DSEL: variants seen among roughly 807,000 people sequenced by gnomAD.
The protein encoded by DSEL is dermatan sulfate epimerase like, also known as dermatan-sulfate epimerase-like protein.
DSEL carries 61 observed loss-of-function variants against 96.6 expected under a neutral mutation model. The ratio of observed to expected loss-of-function variants is 0.63; its 90% CI spans 0.51 to 0.78. DSEL has a LOEUF of 0.78. DSEL is among the 30% of genes least tolerant of loss of function. DSEL has a pLI of 0.00. For missense variants in DSEL, 1,320 were observed against 1,430.8 expected, an observed-to-expected ratio of 0.92 and a Z score of 1.25; for synonymous variants, 514 against 502.0, an observed-to-expected ratio of 1.02 and a Z score of -0.32.
Position 67,507,641 on chromosome 18 carries a change from G to C in DSEL, c.*3329C>G, listed in dbSNP as rs2089417725. ...TAAGTGGTGGAGGAGGTTCTTCTTT[G>C]AATACATTTGCAGAGGGCAATGTAG... On this transcript the variant is annotated 3_prime_UTR_variant, in exon 2 of 2. Coordinates refer to ENST00000310045, the MANE Select transcript of DSEL (RefSeq NM_032160.3). 6.6e-6 allele frequency: 1 copy of C among 152,138 alleles called. No homozygotes were observed. Among genetic ancestry groups the C allele is most frequent in the Non-Finnish European group, 1.5e-5 (1 of 68,034 alleles). 9.4% of individuals were successfully genotyped at this position (152,138 alleles called of 1,614,324 possible). A position where few individuals can be genotyped will look rare whatever the true frequency, so the allele number is the denominator to read the frequency against.
At position 67,513,096 on chromosome 18, in the gene DSEL, G is replaced by C. The variant is rs772126850; in HGVS notation, c.1513C>G (p.Pro505Ala). The C allele has an allele frequency of 1.2e-6, 2 of 1,614,124 alleles. No individual in the cohort carries two copies. The highest frequency in any genetic ancestry group is 3.3e-5 in the Admixed American group (2 of 60,022). Residue 505 changes from proline to alanine, a missense_variant, in exon 2 of 2, where the codon CCA becomes GCA. By Grantham distance (27) the Pro-to-Ala change is conservative (BLOSUM62 -1). This residue lies in a region of DSEL where 986 missense variants were observed against 1,066.4 expected (regional missense o/e 0.92). Transcript: ENST00000310045. The part of the protein sequence containing the change: ...SHLNNVLVFA[P>A]SPSSQCNKPW... ...TTATTACACTGGCTTGAGGGTGATG[G>C]AGCAAACACCAATACATTGTTAAGG...
rs778733478 is a variant in DSEL, at chr18:67,512,228, T to G, written c.2381A>C (p.Tyr794Ser). The change falls in exon 2 of 2, where the codon TAC (tyrosine) becomes TCC (serine). Residue 794 changes from tyrosine (Y) to serine (S), a missense_variant. This residue lies in a region of DSEL where 986 missense variants were observed against 1,066.4 expected (regional missense o/e 0.92). Transcript: ENST00000310045. The stretch of plus-strand genomic sequence containing the variant: ...TCGCATTAGTTTTCTAAAAGAAAGG[T>G]AAAAACGCCATTGGAAAGTTAAAAT... ...LVILTFQWRF[Y>S]LSFRKLMRWI... The G allele has an allele frequency of 1.8e-5, 29 of 1,614,068 alleles. No homozygotes were observed. In the South Asian group the frequency reaches 3.2e-4, roughly 18 times the overall value.
At position 67,508,440 on chromosome 18, in the gene DSEL, T is replaced by C. The variant is rs2089422215; in HGVS notation, c.*2530A>G. The stretch of plus-strand genomic sequence containing the variant: ...GCTTTCTCCAGCAAACTTTCTATTT[T>C]AGAATAACTAAATAGTAGGGTTCAT... On this transcript the variant is annotated 3_prime_UTR_variant, in exon 2 of 2. Transcript: ENST00000310045. 1 of 152,262 alleles carries C rather than the reference T, an allele frequency of 6.6e-6. No homozygotes were observed. Among genetic ancestry groups the C allele is most frequent in the African/African-American group, 2.4e-5 (1 of 41,440 alleles). 9.4% of individuals were successfully genotyped at this position (152,262 alleles called of 1,614,324 possible).
Position 67,508,481 on chromosome 18 carries a change from T to C in DSEL, c.*2489A>G, listed in dbSNP as rs1409125470. 2.0e-5 allele frequency: 3 copies of C among 152,324 alleles called. No homozygotes were observed. Among genetic ancestry groups the C allele is most frequent in the Non-Finnish European group, 4.4e-5 (3 of 68,026 alleles). 9.4% of individuals were successfully genotyped at this position (152,324 alleles called of 1,614,324 possible). On this transcript the variant is annotated 3_prime_UTR_variant, in exon 2 of 2. Transcript: ENST00000310045. ...TAGGGTTCATGTCTAAAATTTTCCC[T>C]TGGGGTGGGAGTAGGTGAGTACAGA...
In DSEL at chr18:67,514,171, C is replaced by T; in HGVS notation, c.438G>A (p.Leu146=). The change falls in exon 2 of 2, where the codon TTG becomes TTA. Residue 146 remains leucine (L), a synonymous_variant. Coordinates refer to ENST00000310045, the MANE Select transcript of DSEL (RefSeq NM_032160.3). ...AGCCAACCATCCTGTCCATATATTC[C>T]AAGACAAATTCAAAGGCAACTTTGT... ...PEDKVAFEFV[L]EYMDRMVGYK... 6.2e-7 allele frequency: 1 copy of T among 1,614,156 alleles called. No individual in the cohort carries two copies. Among genetic ancestry groups the T allele is most frequent in the Non-Finnish European group, 8.5e-7 (1 of 1,180,032 alleles).
Position 67,511,320 on chromosome 18 carries a change from A to G in DSEL, c.3289T>C (p.Ser1097Pro), listed in dbSNP as rs1449065821. Residue 1097 changes from serine (S) to proline (P), a missense_variant, in exon 2 of 2, where the codon TCC becomes CCC. This residue lies in a region of DSEL where 986 missense variants were observed against 1,066.4 expected (regional missense o/e 0.92). Coordinates refer to ENST00000310045, the MANE Select transcript of DSEL (RefSeq NM_032160.3). ...ELSKSKSNAV[S>P]LLSHLWLANT... ...GCTAGCCACAAGTGAGACAAGAGGG[A>G]CACTGCATTTGATTTGGATTTTGAT... 1.9e-6 allele frequency: 3 copies of G among 1,607,268 alleles called. No individual in the cohort carries two copies. Among genetic ancestry groups the G allele is most frequent in the Non-Finnish European group, 2.5e-6 (3 of 1,179,988 alleles).
In DSEL at chr18:67,514,629, C is replaced by T. The variant is rs369791237; in HGVS notation, c.-21G>A. ...GCCATGATCCATGGGGGAGCTCCTC[C>T]CTTAGGCATACATGTCAGATATGAT... On this transcript the variant is annotated 5_prime_UTR_variant, in exon 2 of 2. Transcript: ENST00000310045. 6.2e-7 allele frequency: 1 copy of T among 1,611,932 alleles called. No homozygotes were observed.
rs893973348 is a variant in DSEL, at chr18:67,510,537, A to G, written c.*433T>C. ...TGTCAGAAGACCTTTTCAAAAGGAT[A>G]AGGAACTTTTGTAGTCCATCTTGAA... On this transcript the variant is annotated 3_prime_UTR_variant, in exon 2 of 2. Transcript: ENST00000310045. 6.3e-6 allele frequency: 1 copy of G among 159,712 alleles called. No individual in the cohort carries two copies. The highest frequency in any genetic ancestry group is 1.4e-5 in the Non-Finnish European group (1 of 73,286). 9.9% of individuals were successfully genotyped at this position (159,712 alleles called of 1,614,324 possible).
At position 67,509,989 on chromosome 18, in the gene DSEL, A is replaced by G. The variant is rs563875263; in HGVS notation, c.*981T>C. 3.9e-5 allele frequency: 6 copies of G among 152,786 alleles called. No homozygotes were observed. The East Asian group carries it at 1.2e-3, about 29-fold the overall frequency. 9.5% of individuals were successfully genotyped at this position (152,786 alleles called of 1,614,324 possible). ...AGTTTTCCAATTCTGTTTCCAGTTT[A>G]AAAAGACACTGCAGTGGCACTACTT... On this transcript the variant is annotated 3_prime_UTR_variant, in exon 2 of 2. Coordinates refer to ENST00000310045, the MANE Select transcript of DSEL (RefSeq NM_032160.3).
rs1407817028 is a variant in DSEL at position 67,507,288 on chromosome 18, A to G, written c.*3682T>C. The G allele has an allele frequency of 2.2e-5, 3 of 139,148 alleles. No homozygotes were observed. The highest frequency in any genetic ancestry group is 4.6e-5 in the Non-Finnish European group (3 of 65,772). The allele number at this position is 139,148 out of a possible 1,614,324, so 8.6% of individuals were successfully genotyped here. On this transcript the variant is annotated 3_prime_UTR_variant, in exon 2 of 2. Coordinates refer to ENST00000310045, the MANE Select transcript of DSEL (RefSeq NM_032160.3). The stretch of plus-strand genomic sequence containing the variant: ...CTTGAACCCGGTAGGCGGAGGTTGC[A>G]GTGAGCCGAGATCAGACCACTGCAC...
rs1237510673 is a variant in DSEL at position 67,514,993 on chromosome 18, AC to A, written c.-386del. 1 of 222,138 alleles carries A rather than the reference AC, an allele frequency of 4.5e-6. No homozygotes were observed. Among genetic ancestry groups the A allele is most frequent in the Admixed American group, 5.5e-5 (1 of 18,130 alleles). The allele number at this position is 222,138 out of a possible 1,614,324, so 13.8% of individuals were successfully genotyped here. A position where few individuals can be genotyped will look rare whatever the true frequency, so the allele number is the denominator to read the frequency against. On this transcript the variant is annotated 5_prime_UTR_variant, in exon 2 of 2. It adds an upstream start codon to the 5' untranslated region. Coordinates refer to ENST00000310045, the MANE Select transcript of DSEL (RefSeq NM_032160.3). ...CACATTGTAAAAAAAGAGAAAAAGC[AC>A]TCCAAAATTCAAATTAAGAGTCATT...
In DSEL at chr18:67,510,588, C is replaced by T; in HGVS notation, c.*382G>A. Reference sequence around the variant, plus strand: ...AGCAAGAGATGCGTGGGTAAAGCAGCAATTGCAAGGCCTTTAGCAGTGTTT... The same window carrying T: ...AGCAAGAGATGCGTGGGTAAAGCAGTAATTGCAAGGCCTTTAGCAGTGTTT... On this transcript the variant is annotated 3_prime_UTR_variant, in exon 2 of 2. Coordinates refer to ENST00000310045, the MANE Select transcript of DSEL (RefSeq NM_032160.3). The T allele has an allele frequency of 5.5e-6, 1 of 180,886 alleles. No individual in the cohort carries two copies. The highest frequency in any genetic ancestry group is 1.1e-5 in the Non-Finnish European group (1 of 87,680). 11.2% of individuals were successfully genotyped at this position (180,886 alleles called of 1,614,324 possible).
chr18:67,512,974 T>A lies in DSEL; in HGVS notation c.1635A>T (p.Gln545His). ...CACTCACAAATACCATTTCCCCATGTTGAGAGGCAGTGATTATTTCCCCAG... is the reference window on the plus strand; with the variant it reads ...CACTCACAAATACCATTTCCCCATGATGAGAGGCAGTGATTATTTCCCCAG... ...DAAGEIITAS[Q>H]HGEMVFVSGE... The change falls in exon 2 of 2, where the codon CAA becomes CAT. Residue 545 changes from glutamine (Q) to histidine (H), a missense_variant. Gln to His is a conservative substitution (Grantham distance 24). This residue lies in a region of DSEL where 986 missense variants were observed against 1,066.4 expected (regional missense o/e 0.92). Coordinates refer to ENST00000310045, the MANE Select transcript of DSEL (RefSeq NM_032160.3). The A allele has an allele frequency of 6.2e-7, 1 of 1,614,132 alleles. No homozygotes were observed. Among genetic ancestry groups the A allele is most frequent in the Non-Finnish European group, 8.5e-7 (1 of 1,180,022 alleles).
rs1226796404 is a variant in DSEL at position 67,511,905 on chromosome 18, C to G, written c.2704G>C (p.Asp902His). 6.2e-7 allele frequency: 1 copy of G among 1,614,172 alleles called. No homozygotes were observed. Among genetic ancestry groups the G allele is most frequent in the Non-Finnish European group, 8.5e-7 (1 of 1,180,032 alleles). Reference sequence around the variant, plus strand: ...TCTGACACCTTCCATTCACAAGCATCTACAAATGAGTCGATTTCCAACTCA... The same window carrying G: ...TCTGACACCTTCCATTCACAAGCATGTACAAATGAGTCGATTTCCAACTCA... ...ETELEIDSFV[D>H]ACEWKVSDIR... is the part of the protein sequence containing the mutation. The change falls in exon 2 of 2, where the codon GAT becomes CAT. Residue 902 changes from aspartate (D) to histidine (H), a missense_variant. This residue lies in a region of DSEL where 986 missense variants were observed against 1,066.4 expected (regional missense o/e 0.92). Transcript: ENST00000310045.
rs1305437504 is a variant in DSEL at position 67,513,828 on chromosome 18, T to C, written c.781A>G (p.Thr261Ala). ...KQAVVDVMEK[T>A]MFLLNHIVDG... Reference sequence around the variant, plus strand: ...ACAATATGATTCAATAGAAACATTGTCTTTTCCATGACATCCACTACAGCC... The same window carrying C: ...ACAATATGATTCAATAGAAACATTGCCTTTTCCATGACATCCACTACAGCC... Residue 261 changes from threonine to alanine, a missense_variant, in exon 2 of 2, where the codon ACA (threonine) becomes GCA (alanine). Around this residue, in one of 3 missense-constraint regions of DSEL, gnomAD observed 323 missense variants for 333.1 expected, o/e 0.97. Transcript: ENST00000310045. 9 of 1,614,068 alleles carry C rather than the reference T, an allele frequency of 5.6e-6. No homozygotes were observed. Among genetic ancestry groups the C allele is most frequent in the Admixed American group, 1.7e-5 (1 of 59,998 alleles).
Position 67,514,579 on chromosome 18 carries a change from T to C in DSEL, c.30A>G (p.Leu10=), listed in dbSNP as rs764545277. MALMFTGHL[L]FLALLMFAFS... ...AAGCAAACATCAATAATGCTAAGAA[T>C]AGTAAATGTCCTGTAAACATTAACG... The change falls in exon 2 of 2, where the codon CTA becomes CTG. Residue 10 remains leucine (L), a synonymous_variant. Coordinates refer to ENST00000310045, the MANE Select transcript of DSEL (RefSeq NM_032160.3). The C allele has an allele frequency of 4.3e-6, 7 of 1,614,050 alleles. No individual in the cohort carries two copies. The highest frequency in any genetic ancestry group is 4.0e-5 in the African/African-American group (3 of 74,930).
rs1369518092 is a variant in DSEL, at chr18:67,513,682, C to T, written c.927G>A (p.Lys309=). 2.5e-6 allele frequency: 4 copies of T among 1,614,210 alleles called. No individual in the cohort carries two copies. The Admixed American group carries it at 5.0e-5, about 20-fold the overall frequency. The stretch of plus-strand genomic sequence containing the variant: ...TGGCATAATAGAACCAAAAGTGCAT[C>T]TTTAACCAGTTATTATCCAAGTTGT... ...NINNLDNNWL[K]MHFWFYYATL... The change falls in exon 2 of 2, where the codon AAG becomes AAA. Residue 309 remains lysine (K), a synonymous_variant. Transcript: ENST00000310045.
In DSEL at chr18:67,506,603, A is replaced by G. The variant is rs1310627814; in HGVS notation, c.*4367T>C. 3 of 152,120 alleles carry G rather than the reference A, an allele frequency of 2.0e-5. No individual in the cohort carries two copies. Among genetic ancestry groups the G allele is most frequent in the Admixed American group, 2.0e-4 (3 of 15,262 alleles). 9.4% of individuals were successfully genotyped at this position (152,120 alleles called of 1,614,324 possible). On this transcript the variant is annotated 3_prime_UTR_variant, in exon 2 of 2. Coordinates refer to ENST00000310045, the MANE Select transcript of DSEL (RefSeq NM_032160.3). ...ATAGACAAGTTGCTTTTAGCTTTTT[A>G]TTTTTGTATTAACAGGAGTCTTATT...
rs2089445973 is a variant in DSEL at position 67,512,021 on chromosome 18, G to A, written c.2588C>T (p.Ser863Leu). 1 of 1,613,954 alleles carries A rather than the reference G, an allele frequency of 6.2e-7. No individual in the cohort carries two copies. Among genetic ancestry groups the A allele is most frequent in the African/African-American group, 1.3e-5 (1 of 74,928 alleles). Reference protein sequence around the residue: ...PDVVITSLPGSGAEILKQLFF... With the variant: ...PDVVITSLPGLGAEILKQLFF... ...AAGTTGTTTGAGAATTTCAGCTCCT[G>A]AACCAGGAAGTGAGGTAATGACAAC... The change falls in exon 2 of 2, where the codon TCA becomes TTA. Residue 863 changes from serine to leucine, a missense_variant. This residue lies in a region of DSEL where 986 missense variants were observed against 1,066.4 expected (regional missense o/e 0.92). Transcript: ENST00000310045.
Sources: allele counts gnomAD v4.1 joint callset, GRCh38; gene constraint gnomAD v4.1.1; regional missense constraint gnomAD v4.1.1; transcripts MANE v1.5; gene names NCBI Gene and HGNC (gene_info 2026-07-23, HGNC 2026-07-21).